Variants in CD6 observed in about 807,000 individuals in gnomAD.
CD6 encodes CD6 molecule, also known as T-cell differentiation antigen CD6.
CD6 carries 53 observed loss-of-function variants against 75.3 expected under a neutral mutation model. The ratio of observed to expected loss-of-function variants is 0.70; its 90% CI spans 0.56 to 0.88. The LOEUF (loss-of-function observed/expected upper bound fraction) is 0.88, where lower values mean the gene tolerates loss of function less well. Ranked by LOEUF, CD6 falls within the 40% of genes least tolerant of loss-of-function variation. CD6 has a pLI of 0.00. For missense variants in CD6, 770 were observed against 897.1 expected, an observed-to-expected ratio of 0.86 and a Z score of 1.81; for synonymous variants, 359 against 381.5, an observed-to-expected ratio of 0.94 and a Z score of 0.69.
intron 9 of CD6, 30 bp downstream of exon 9, chr11:61,015,865 C>CCT: frequency 6.2e-7 from 1 of 1,612,020 alleles, no homozygotes; most frequent in East Asian, 2.2e-5. Flanking sequence ...CCCGAGGGCC[C>CCT]ACCTACCTGA....
At chr11:60,991,228 G>C (rs141998839) in intron 1 of CD6, among the ~76,000 whole-genome samples, 1 of 129,648 alleles carries the variant, frequency 7.7e-6, no homozygotes, top group Non-Finnish European at 1.6e-5. Context: ...TCGGCTCACC[G>C]CAACCTCCAC....
intron 1 of CD6, among the ~76,000 whole-genome samples, chr11:60,977,334 C>G (rs191381344): frequency 6.6e-6 from 1 of 150,622 alleles, no homozygotes; most frequent in East Asian, 2.0e-4. Flanking sequence ...TGGCCATCCT[C>G]TCCCTGCCTG....
chr11:60,991,139 C>CTTTCTTTTTTTTT (rs1858045137), intron 1 of CD6, among the ~76,000 whole-genome samples: 2 of 123,054 alleles, frequency 1.6e-5, no homozygotes, highest in African/African-American at 6.2e-5. Flanking sequence ...CTTTTCTTTT[C>CTTTCTTTTTTTTT]TTTTTCTTTC....
intron 1 of CD6, among the ~76,000 whole-genome samples, chr11:60,990,149 T>G (rs1411678994): frequency 6.6e-6 from 1 of 152,236 alleles, no homozygotes; most frequent in Non-Finnish European, 1.5e-5. Flanking sequence ...ACTAGCCTCT[T>G]GTAGAATCTT....
chr11:61,001,031 A>T (rs112355668), intron 1 of CD6, among the ~76,000 whole-genome samples: 7,444 of 152,170 alleles, frequency 0.049, 215 homozygotes, highest in Middle Eastern at 0.11. Flanking sequence ...AGAATTTGGG[A>T]CACAACTAGA....
intron 1 of CD6, among the ~76,000 whole-genome samples, chr11:60,975,397 C>A (rs970040619): frequency 1.9e-4 from 29 of 152,190 alleles, no homozygotes; most frequent in African/African-American, 7.0e-4. Flanking sequence ...TAAAATATTT[C>A]AACAAATTTT....
Position 61,019,830 on chromosome 11 carries a change from G to T in CD6, c.*512G>T, listed in dbSNP as rs181857383. On this transcript the variant is annotated 3_prime_UTR_variant, in exon 13 of 13. Coordinates refer to ENST00000313421, the MANE Select transcript of CD6 (RefSeq NM_006725.5). ...TTGTCACTGATCGGTGGGCGCTGGG[G>T]GGGTAGGGTAGCACACCAGCTGTCC... is the stretch of plus-strand genomic sequence containing the variant. The T allele has an allele frequency of 3.6e-5, 8 of 221,758 alleles. No homozygotes were observed. In the East Asian group the frequency reaches 6.7e-4, roughly 18 times the overall value. 13.7% of individuals were successfully genotyped at this position (221,758 alleles called of 1,614,324 possible). A position where few individuals can be genotyped will look rare whatever the true frequency, so the allele number is the denominator to read the frequency against.
At chr11:61,015,611 C>G (rs375542725) in intron 8 of CD6, 102 bp from the exon 9 acceptor site, 3 of 1,399,942 alleles carry the variant, frequency 2.1e-6, no homozygotes, top group South Asian at 2.5e-5. Flanking sequence ...TGGTGCTCCC[C>G]TGCTACTCTG....
intron 1 of CD6, among the ~76,000 whole-genome samples, chr11:60,992,493 G>GT (rs1331328286): frequency 6.6e-6 from 1 of 152,086 alleles, no homozygotes; most frequent in African/African-American, 2.4e-5. Flanking sequence ...GTGGTAGATG[G>GT]TTTTTTCCCA....
rs1859595285 is a variant in CD6 at position 61,019,963 on chromosome 11, G to A, written c.*645G>A. On this transcript the variant is annotated 3_prime_UTR_variant, in exon 13 of 13. Coordinates refer to ENST00000313421, the MANE Select transcript of CD6 (RefSeq NM_006725.5). ...CTGTGTACCCCCAACCAAGGAGCTG[G>A]GGCCCAAGGCCAGTCCTGCCCCAGA... is the stretch of plus-strand genomic sequence containing the variant. 1 of 395,810 alleles carries A rather than the reference G, an allele frequency of 2.5e-6. No homozygotes were observed. The highest frequency in any genetic ancestry group is 2.1e-5 in the African/African-American group (1 of 48,580). 24.5% of individuals were successfully genotyped at this position (395,810 alleles called of 1,614,324 possible).
rs781573161 is a variant in CD6 at position 61,009,555 on chromosome 11, CT to C, written c.782-16del. On this transcript the variant is annotated splice_polypyrimidine_tract_variant and intron_variant, in intron 4 of 12. Coordinates refer to ENST00000313421, the MANE Select transcript of CD6 (RefSeq NM_006725.5). ...AAGGATTCTGACCTGACTCTGTCCCCTGCCCCTTCCCTGCAGAGCACCAGTC... is the reference window on the plus strand; with the variant it reads ...AAGGATTCTGACCTGACTCTGTCCCCGCCCCTTCCCTGCAGAGCACCAGTC... 1.9e-5 allele frequency: 30 copies of C among 1,578,828 alleles called. No homozygotes were observed. Among genetic ancestry groups the C allele is most frequent in the Admixed American group, 1.7e-5 (1 of 57,226 alleles).
At chr11:61,002,486 G>A (rs1858630659) in intron 1 of CD6, among the ~76,000 whole-genome samples, 1 of 152,066 alleles carries the variant, frequency 6.6e-6, no homozygotes, top group African/African-American at 2.4e-5. Flanking sequence ...GAACCCAGGA[G>A]GTGAAGGTTG....
At position 61,007,829 on chromosome 11, in the gene CD6, A is replaced by G; in HGVS notation, c.388A>G (p.Ser130Gly). ...GGCCGGGGCGCCCGCCCTCCTGTGC[A>G]GCGGCGCCGAGTGGCGGCTCTGCGA... ...TLAGAPALLC[S>G]GAEWRLCEVV... Residue 130 changes from serine (S) to glycine (G), a missense_variant, in exon 3 of 13, where the codon AGC becomes GGC. Transcript: ENST00000313421. The surrounding 1 kb of genome is among the most constrained non-coding windows in gnomAD (Gnocchi z 4.2). The G allele has an allele frequency of 6.9e-7, 1 of 1,444,578 alleles. No individual in the cohort carries two copies. The highest frequency in any genetic ancestry group is 9.1e-7 in the Non-Finnish European group (1 of 1,104,176). The allele number at this position is 1,444,578 out of a possible 1,614,324, so 89.5% of individuals were successfully genotyped here. A position where few individuals can be genotyped will look rare whatever the true frequency, so the allele number is the denominator to read the frequency against.
At chr11:61,015,690 C>T (rs1372294333) in intron 8 of CD6, 23 bp from the exon 9 acceptor site, 11 of 1,613,752 alleles carry the variant, frequency 6.8e-6, no homozygotes, top group Non-Finnish European at 9.3e-6. Flanking sequence ...TTTGCCATGC[C>T]CTCGACTCTG....
intron 1 of CD6, among the ~76,000 whole-genome samples, chr11:60,995,028 G>A (rs1384734648): frequency 6.6e-6 from 1 of 152,116 alleles, no homozygotes; most frequent in African/African-American, 2.4e-5. Flanking sequence ...GCCCAACCGG[G>A]TGTCACAGGC....
chr11:60,976,017 A>C (rs1220636600), intron 1 of CD6, among the ~76,000 whole-genome samples: 1 of 152,204 alleles, frequency 6.6e-6, no homozygotes, highest in Non-Finnish European at 1.5e-5. Flanking sequence ...GTGAATATTA[A>C]GTTATTTTTA....
chr11:60,984,586 A>G (rs897758725), intron 1 of CD6, among the ~76,000 whole-genome samples: 1 of 152,222 alleles, frequency 6.6e-6, no homozygotes, highest in Non-Finnish European at 1.5e-5. Flanking sequence ...CCCGGTCTTC[A>G]AGAAGCTTCT....
chr11:61,007,797 C>T lies in CD6; in HGVS notation c.356C>T (p.Ala119Val). The change falls in exon 3 of 13, where the codon GCC becomes GTC. Residue 119 changes from alanine (A) to valine (V), a missense_variant. By Grantham distance (64) the Ala-to-Val change is moderately conservative (BLOSUM62 0). Transcript: ENST00000313421. The surrounding 1 kb of genome is among the most constrained non-coding windows in gnomAD (Gnocchi z 4.2). ...AAGNTSVAAN[A>V]TLAGAPALLC... ...GGGAACACCAGCGTAGCAGCTAATG[C>T]CACTCTGGCCGGGGCGCCCGCCCTC... The T allele has an allele frequency of 6.8e-7, 1 of 1,475,974 alleles. No individual in the cohort carries two copies. The highest frequency in any genetic ancestry group is 9.0e-7 in the Non-Finnish European group (1 of 1,116,910). 91.4% of individuals were successfully genotyped at this position (1,475,974 alleles called of 1,614,324 possible). A position where few individuals can be genotyped will look rare whatever the true frequency, so the allele number is the denominator to read the frequency against.
intron 3 of CD6, 154 bp from the exon 4 acceptor site, chr11:61,008,380 C>A: frequency 1.4e-6 from 1 of 713,052 alleles, no homozygotes; most frequent in Non-Finnish European, 2.2e-6. Flanking sequence ...AACCCATCTG[C>A]AGTCCTGGGG....
Sources: gnomAD v4.1 joint callset for allele counts (sites outside exome capture counted in the v4.1 genomes callset) on GRCh38, gnomAD v4.1.1 for gene constraint, Gnocchi (gnomAD v3.1) non-coding constraint, MANE v1.5 for transcripts, NCBI Gene and HGNC (gene_info 2026-07-23, HGNC 2026-07-21) for gene names.